BEND4: variants seen among roughly 807,000 people sequenced by gnomAD.
BEND4 encodes the protein BEN domain containing 4, also known as BEN domain-containing protein 4.
In BEND4, 27 loss-of-function variants were observed where a neutral mutation model predicts 54.7. That is an observed-to-expected ratio of 0.49 (90% confidence interval 0.36 to 0.68). The LOEUF (loss-of-function observed/expected upper bound fraction) is 0.68, where lower values mean the gene tolerates loss of function less well. BEND4 is among the 30% of genes least tolerant of loss of function. The pLI is 0.00. For synonymous variants in BEND4, 327 were observed against 299.5 expected (o/e 1.09, Z -0.95); for missense variants, 702 against 697.2 (o/e 1.01, Z -0.08).
At chr4:42,131,200 T>C (rs567058303) in intron 3 of BEND4, among the ~76,000 whole-genome samples, 18 of 152,190 alleles carry the variant, frequency 1.2e-4, no homozygotes, top group Non-Finnish European at 2.1e-4. Flanking sequence ...CTGCACATCC[T>C]GCACATGTAT....
rs1026391016 is a variant in BEND4 at position 42,111,756 on chromosome 4, T to A, written c.*5762A>T. ...CAAACGTGAAAAGTGAATTGAACGT[T>A]GGCTACCTGATGCCCCGGTGCTATT... On this transcript the variant is annotated 3_prime_UTR_variant, in exon 6 of 6. Coordinates refer to ENST00000502486, the MANE Select transcript of BEND4 (RefSeq NM_207406.4). The A allele has an allele frequency of 6.6e-6, 1 of 152,226 alleles. No individual in the cohort carries two copies. The highest frequency in any genetic ancestry group is 1.5e-5 in the Non-Finnish European group (1 of 68,044). 9.4% of individuals were successfully genotyped at this position (152,226 alleles called of 1,614,324 possible).
chr4:42,129,101 T>C (rs1720409475), intron 3 of BEND4, among the ~76,000 whole-genome samples: 1 of 152,108 alleles, frequency 6.6e-6, no homozygotes, highest in Non-Finnish European at 1.5e-5. Context: ...ACAAAATCAA[T>C]GTGCAAAAAT....
At position 42,117,401 on chromosome 4, in the gene BEND4, G is replaced by A; in HGVS notation, c.*117C>T. On this transcript the variant is annotated 3_prime_UTR_variant, in exon 6 of 6. Coordinates refer to ENST00000502486, the MANE Select transcript of BEND4 (RefSeq NM_207406.4). ...TTTCTATTTGGGTACTGTGGCAGCT[G>A]AGAATGTGTAGACTATGGCAGAATG... The A allele has an allele frequency of 2.8e-6, 2 of 726,178 alleles. No individual in the cohort carries two copies. Among genetic ancestry groups the A allele is most frequent in the Non-Finnish European group, 4.5e-6 (2 of 441,568 alleles). The allele number at this position is 726,178 out of a possible 1,614,324, so 45.0% of individuals were successfully genotyped here. A position where few individuals can be genotyped will look rare whatever the true frequency, so the allele number is the denominator to read the frequency against.
At chr4:42,119,310 T>C (rs1719969090) in intron 5 of BEND4, among the ~76,000 whole-genome samples, 1 of 152,144 alleles carries the variant, frequency 6.6e-6, no homozygotes, top group South Asian at 2.1e-4. Flanking sequence ...CACTGAACTG[T>C]ATAGGTTAAT....
At chr4:42,121,873 A>C (rs1364005781) in intron 4 of BEND4, among the ~76,000 whole-genome samples, 1 of 152,206 alleles carries the variant, frequency 6.6e-6, no homozygotes, top group Non-Finnish European at 1.5e-5. Flanking sequence ...CAGGTCAAAC[A>C]GCGGTGTCTT....
rs780352789 is a variant in BEND4 at position 42,143,585 on chromosome 4, G to A, written c.897C>T (p.Ser299=). Residue 299 remains serine (S), a synonymous_variant, in exon 3 of 6, where the codon TCC becomes TCT. Transcript: ENST00000502486. ...ATGAAGATGGGTGGCCATGGGATTC[G>A]GACGTTGCTGGGGAAGTCCAGCCAC... ...TLGGWTSPAT[S]ESHGHPSSST... 17 of 1,582,238 alleles carry A rather than the reference G, an allele frequency of 1.1e-5. No homozygotes were observed. The highest frequency in any genetic ancestry group is 1.7e-4 in the Middle Eastern group (1 of 6,050).
intron 4 of BEND4, among the ~76,000 whole-genome samples, chr4:42,120,924 T>C (rs1720033848): frequency 6.6e-6 from 1 of 152,208 alleles, no homozygotes; most frequent in Admixed American, 6.5e-5. Flanking sequence ...TTTTTCTTAC[T>C]TTTCACCTTC....
At chr4:42,146,117 C>G (rs1721073612) in intron 2 of BEND4, among the ~76,000 whole-genome samples, 3 of 152,202 alleles carry the variant, frequency 2.0e-5, no homozygotes, top group Admixed American at 2.0e-4. Context: ...CCAGCCAATC[C>G]TGTCCACATG....
At chr4:42,140,845 AG>A (rs1394002348) in intron 3 of BEND4, among the ~76,000 whole-genome samples, 1 of 152,218 alleles carries the variant, frequency 6.6e-6, no homozygotes, top group Non-Finnish European at 1.5e-5. Flanking sequence ...TTCAGAAGCT[AG>A]GAAGGCTCCT....
chr4:42,146,586 A>AT (rs11424070), intron 2 of BEND4, among the ~76,000 whole-genome samples: 32,235 of 152,056 alleles, frequency 0.21, 3,591 homozygotes, highest in African/African-American at 0.29. Context: ...TGCTACACTC[A>AT]TTTTTTTACT....
chr4:42,128,823 C>G (rs886498886), intron 3 of BEND4, among the ~76,000 whole-genome samples: 4 of 151,786 alleles, frequency 2.6e-5, no homozygotes, highest in African/African-American at 9.7e-5. Context: ...GTAGTCCCAG[C>G]TACTCGGGAG....
rs895273477 is a variant in BEND4 at position 42,113,554 on chromosome 4, G to A, written c.*3964C>T. The A allele has an allele frequency of 1.3e-5, 2 of 152,168 alleles. No homozygotes were observed. Among genetic ancestry groups the A allele is most frequent in the South Asian group, 2.1e-4 (1 of 4,832 alleles). 9.4% of individuals were successfully genotyped at this position (152,168 alleles called of 1,614,324 possible). A position where few individuals can be genotyped will look rare whatever the true frequency, so the allele number is the denominator to read the frequency against. On this transcript the variant is annotated 3_prime_UTR_variant, in exon 6 of 6. Coordinates refer to ENST00000502486, the MANE Select transcript of BEND4 (RefSeq NM_207406.4). Reference sequence around the variant, plus strand: ...GTAGGAATCATAAACCTACAGATTCGAAGTCTGGGTTATTGCCTAATTTGG... The same window carrying A: ...GTAGGAATCATAAACCTACAGATTCAAAGTCTGGGTTATTGCCTAATTTGG...
chr4:42,139,665 G>A (rs1720817473), intron 3 of BEND4, among the ~76,000 whole-genome samples: 1 of 151,624 alleles, frequency 6.6e-6, no homozygotes, highest in Non-Finnish European at 1.5e-5. Flanking sequence ...CCTGGGCTCT[G>A]ACCTGCAGTA....
At chr4:42,124,411 G>GA (rs1414204913) in intron 4 of BEND4, among the ~76,000 whole-genome samples, 2 of 152,180 alleles carry the variant, frequency 1.3e-5, no homozygotes. Flanking sequence ...AGTAGAGAGT[G>GA]AGAGAAAAAG....
intron 5 of BEND4, among the ~76,000 whole-genome samples, chr4:42,118,615 A>G (rs1233447560): frequency 2.0e-5 from 3 of 152,132 alleles, no homozygotes; most frequent in African/African-American, 7.2e-5. Flanking sequence ...CATCAGTTCT[A>G]CTGACTTGCT....
chr4:42,127,667 G>A (rs76990402), intron 3 of BEND4, among the ~76,000 whole-genome samples: 5,996 of 152,274 alleles, frequency 0.039, 410 homozygotes, highest in African/African-American at 0.14. Flanking sequence ...ACACAGTGCT[G>A]AGTATGAGGC....
intron 3 of BEND4, among the ~76,000 whole-genome samples, chr4:42,131,525 C>T (rs1720508845): frequency 6.6e-6 from 1 of 152,154 alleles, no homozygotes; most frequent in Non-Finnish European, 1.5e-5. Flanking sequence ...TCTCCCCTTC[C>T]TTGCTATTAC....
intron 2 of BEND4, among the ~76,000 whole-genome samples, chr4:42,147,384 G>A (rs892792410): frequency 1.3e-5 from 2 of 151,744 alleles, no homozygotes; most frequent in Non-Finnish European, 1.5e-5. Context: ...TTATCACTAA[G>A]AAATGAAGTT....
intron 3 of BEND4, among the ~76,000 whole-genome samples, chr4:42,142,363 T>A (rs1353233009): frequency 1.3e-5 from 2 of 148,978 alleles, no homozygotes; most frequent in African/African-American, 2.4e-5. Flanking sequence ...CTCATGCCTG[T>A]AATCCCAGCA....
Sources: gnomAD v4.1 joint callset for allele counts (sites outside exome capture counted in the v4.1 genomes callset) on GRCh38, gnomAD v4.1.1 for gene constraint, MANE v1.5 for transcripts, NCBI Gene and HGNC (gene_info 2026-07-23, HGNC 2026-07-21) for gene names.